Variants in MAB21L4 observed in about 807,000 individuals in gnomAD.
The protein encoded by MAB21L4 is protein mab-21-like 4.
Under a neutral mutation model 32.4 loss-of-function variants are expected in MAB21L4, and 25 were observed. The ratio of observed to expected loss-of-function variants is 0.77; its 90% confidence interval spans 0.56 to 1.08. MAB21L4 has a LOEUF of 1.08. Ranked by LOEUF, MAB21L4 falls within the 50% of genes least tolerant of loss-of-function variation. The probability of loss-of-function intolerance (pLI) is 0.00; values close to 1 mark genes in which losing one functional copy is unlikely to be tolerated. For missense variants in MAB21L4, 638 were observed against 611.0 expected, an observed-to-expected ratio of 1.04 and a Z score of -0.47; for synonymous variants, 280 against 276.8, an observed-to-expected ratio of 1.01 and a Z score of -0.11.
intron 3 of MAB21L4, among the ~76,000 whole-genome samples, chr2:240,889,388 G>C (rs926744455): frequency 1.3e-5 from 2 of 152,120 alleles, no homozygotes; most frequent in Admixed American, 1.3e-4. Flanking sequence ...CCCATCTGTG[G>C]AGCAGCGCCC....
chr2:240,887,230 C>T (rs556167342), intron 4 of MAB21L4, 68 bp from the exon 5 acceptor site: 8 of 1,316,852 alleles, frequency 6.1e-6, no homozygotes, highest in African/African-American at 2.9e-5. Flanking sequence ...CTCTCAGGGC[C>T]GAGAGCACAG....
At chr2:240,890,249 C>T in intron 2 of MAB21L4, 91 bp from the exon 3 acceptor site, 1 of 1,473,356 alleles carries the variant, frequency 6.8e-7, no homozygotes, top group Middle Eastern at 2.5e-4. Flanking sequence ...CGGGCCCTGG[C>T]CAGGGTCGTG....
chr2:240,893,712 C>A (rs1474202384), intron 1 of MAB21L4, among the ~76,000 whole-genome samples: 1 of 131,310 alleles, frequency 7.6e-6, no homozygotes, highest in Non-Finnish European at 1.7e-5. Flanking sequence ...GCGCGGCCTG[C>A]AGTATCGAGT....
chr2:240,890,213 T>C, intron 2 of MAB21L4, 55 bp from the exon 3 acceptor site: 2 of 1,554,452 alleles, frequency 1.3e-6, no homozygotes, highest in East Asian at 2.3e-5. Flanking sequence ...GCCCCCAGCA[T>C]GGGGAGCTTC....
At chr2:240,891,785 C>T (rs773413880) in intron 1 of MAB21L4, 22 bp from the exon 2 acceptor site, 32 of 1,602,998 alleles carry the variant, frequency 2.0e-5, no homozygotes, top group Middle Eastern at 1.7e-4. Flanking sequence ...CAAGTCACGC[C>T]GGCCCCTCGA....
At chr2:240,895,346 A>G in intron 1 of MAB21L4, 138 bp downstream of exon 1, 1 of 790,836 alleles carries the variant, frequency 1.3e-6, no homozygotes, top group Non-Finnish European at 2.0e-6. Context: ...GTGCAGTCAC[A>G]CACAGAAGAC....
At position 240,888,550 on chromosome 2, in the gene MAB21L4, G is replaced by A; in HGVS notation, c.993C>T (p.Cys331=). The A allele has an allele frequency of 1.2e-6, 2 of 1,608,790 alleles. No individual in the cohort carries two copies. The highest frequency in any genetic ancestry group is 1.7e-6 in the Non-Finnish European group (2 of 1,179,366). The change falls in exon 4 of 5, where the codon TGC becomes TGT. Residue 331 remains cysteine, a synonymous_variant. Coordinates refer to ENST00000388934, the MANE Select transcript of MAB21L4 (RefSeq NM_001085437.3). Reference sequence around the variant, plus strand: ...AGTGGGGCAGCTTCCGCGTGGCCAGGCAACAGAGCAGCACCACCAGCAGGC... The same window carrying A: ...AGTGGGGCAGCTTCCGCGTGGCCAGACAACAGAGCAGCACCACCAGCAGGC... ...VYRLLVVLLC[C]LATRKLPHFL...
chr2:240,886,237 A>G lies in MAB21L4; in HGVS notation c.*833T>C, dbSNP rs2059093859. On this transcript the variant is annotated 3_prime_UTR_variant, in exon 5 of 5. Transcript: ENST00000388934. ...CCACACACTCAAAAAACCAGATCTCATGAGAACTCACTCACTATCATGAGA... is the reference window on the plus strand; with the variant it reads ...CCACACACTCAAAAAACCAGATCTCGTGAGAACTCACTCACTATCATGAGA... 6.6e-6 allele frequency: 1 copy of G among 152,142 alleles called. No individual in the cohort carries two copies. The highest frequency in any genetic ancestry group is 6.6e-5 in the Admixed American group (1 of 15,266). 9.4% of individuals were successfully genotyped at this position (152,142 alleles called of 1,614,324 possible).
rs370404059 is a variant in MAB21L4, at chr2:240,886,960, C to G, written c.*110G>C. ...TGGGGACAAAATCCCTCCACTACCC[C>G]CTCAAGGAGAAGCCCGTTTCTTCTT... On this transcript the variant is annotated 3_prime_UTR_variant, in exon 5 of 5. Transcript: ENST00000388934. The G allele has an allele frequency of 1.7e-4, 141 of 817,356 alleles. No homozygotes were observed. In the East Asian group the frequency reaches 3.5e-3, roughly 21 times the overall value. The allele number at this position is 817,356 out of a possible 1,614,324, so 50.6% of individuals were successfully genotyped here. A position where few individuals can be genotyped will look rare whatever the true frequency, so the allele number is the denominator to read the frequency against.
At chr2:240,892,617 G>A (rs936006414) in intron 1 of MAB21L4, among the ~76,000 whole-genome samples, 11 of 152,050 alleles carry the variant, frequency 7.2e-5, no homozygotes, top group African/African-American at 2.7e-4. Context: ...ACGGAGCTCA[G>A]CCACCCCCGT....
In MAB21L4 at chr2:240,888,378, C is replaced by T. The variant is rs1343121268; in HGVS notation, c.1165G>A (p.Gly389Ser). ...HLGRSPPPRIGSGLKALLQLP... is the reference protein window; with the variant it reads ...HLGRSPPPRISSGLKALLQLP... ...TGCAGGAGCGCCTTGAGCCCGGAGC[C>T]GATGCGCGGCGGGGGGCTGCGGCCC... The change falls in exon 4 of 5, where the codon GGC becomes AGC. Residue 389 changes from glycine (G) to serine (S), a missense_variant. Gly to Ser is a moderately conservative substitution (Grantham distance 56, BLOSUM62 0). Transcript: ENST00000388934. The T allele has an allele frequency of 1.3e-5, 21 of 1,565,376 alleles. No individual in the cohort carries two copies. Among genetic ancestry groups the T allele is most frequent in the East Asian group, 4.7e-5 (2 of 42,154 alleles).
In MAB21L4 at chr2:240,888,481, G is replaced by A. The variant is rs377668116; in HGVS notation, c.1062C>T (p.Asp354=). The A allele has an allele frequency of 5.6e-6, 9 of 1,601,268 alleles. No homozygotes were observed. The highest frequency in any genetic ancestry group is 4.4e-5 in the South Asian group (4 of 89,928). The stretch of plus-strand genomic sequence containing the variant: ...CCACGCGCTGGTAGATGGCACCAAG[G>A]TCCAGGCCGCTGCCCTGCAGCAGGT... ...QRNLLQGSGL[D]LGAIYQRVEG... Residue 354 remains aspartate, a synonymous_variant, in exon 4 of 5, where the codon GAC becomes GAT. Coordinates refer to ENST00000388934, the MANE Select transcript of MAB21L4 (RefSeq NM_001085437.3).
chr2:240,896,050 G>C lies in MAB21L4; in HGVS notation c.-53C>G. The C allele has an allele frequency of 7.1e-7, 1 of 1,413,280 alleles. No individual in the cohort carries two copies. The highest frequency in any genetic ancestry group is 2.6e-5 in the East Asian group (1 of 38,604). 87.5% of individuals were successfully genotyped at this position (1,413,280 alleles called of 1,614,324 possible). ...GTGGCCCCTGAGGAGGACTCCGCAG[G>C]CCAGCTGTGCAGATGGGCTGTGAGG... On this transcript the variant is annotated 5_prime_UTR_variant, in exon 1 of 5. Transcript: ENST00000388934.
intron 4 of MAB21L4, 22 bp from the exon 5 acceptor site, chr2:240,887,184 A>G: frequency 1.2e-6 from 2 of 1,601,926 alleles, no homozygotes; most frequent in Non-Finnish European, 8.6e-7. Context: ...GTTGCAGGGG[A>G]GAAGGGTTAC....
In MAB21L4 at chr2:240,888,619, G is replaced by A. The variant is rs781195533; in HGVS notation, c.924C>T (p.Phe308=). Residue 308 remains phenylalanine (F), a synonymous_variant, in exon 4 of 5, where the codon TTC becomes TTT. Transcript: ENST00000388934. ...GTTCTGCCCAGTCCTCGGGCGCCAG[G>A]AAGAGCACAGAGGCCCACAGCAGCA... The part of the protein sequence containing the change: ...KMVLLWASVL[F]LAPEDWAELQ... The A allele has an allele frequency of 3.1e-6, 5 of 1,590,660 alleles. No homozygotes were observed. In the South Asian group the frequency reaches 3.4e-5, roughly 11 times the overall value.
upstream of MAB21L4, chr2:240,896,198 G>C: frequency 2.4e-6 from 3 of 1,269,202 alleles, no homozygotes; most frequent in Non-Finnish European, 3.0e-6. Flanking sequence ...CCTTTGAAGT[G>C]GGGGTGAGTC....
At chr2:240,889,691 A>T (rs2059126934) in intron 3 of MAB21L4, among the ~76,000 whole-genome samples, 1 of 152,158 alleles carries the variant, frequency 6.6e-6, no homozygotes, top group Non-Finnish European at 1.5e-5. Flanking sequence ...GGGCGGGAAC[A>T]CTGGGCTCTG....
intron 1 of MAB21L4, among the ~76,000 whole-genome samples, 184 bp downstream of exon 1, chr2:240,895,300 T>C (rs1188439348): frequency 6.6e-6 from 1 of 152,216 alleles, no homozygotes; most frequent in Admixed American, 6.5e-5. Flanking sequence ...CTGTTCACAC[T>C]TGCACAGTGT....
At chr2:240,896,438 C>A (rs897817638), upstream of MAB21L4, among the ~76,000 whole-genome samples, 9 of 152,194 alleles carry the variant, frequency 5.9e-5, no homozygotes, top group Non-Finnish European at 1.3e-4. Flanking sequence ...ACCCTCCTCC[C>A]CACAGCCCAG....
Sources: allele counts gnomAD v4.1 joint callset (sites outside exome capture counted in the v4.1 genomes callset), GRCh38; gene constraint gnomAD v4.1.1; transcripts MANE v1.5; gene names NCBI Gene and HGNC (gene_info 2026-07-23, HGNC 2026-07-21).